NRG1: variants seen among roughly 807,000 people sequenced by gnomAD.
NRG1 encodes neuregulin 1.
NRG1 carries 18 observed loss-of-function variants against 63.8 expected under a neutral mutation model. That is an observed-to-expected ratio of 0.28 (90% CI 0.19 to 0.42). NRG1 has a LOEUF of 0.42. Among genes scored for constraint, NRG1 ranks in the 10% least tolerant of loss-of-function variants. NRG1 has a pLI of 1.00. For missense variants in NRG1, 762 were observed against 814.7 expected (o/e 0.94, Z 0.79); for synonymous variants, 302 against 301.3 (o/e 1.00, Z -0.02).
At chr8:32,235,026 C>T (rs1035491599) in intron 1 of NRG1, among the ~76,000 whole-genome samples, 1 of 151,906 alleles carries the variant, frequency 6.6e-6, no homozygotes. Context: ...CCCCGGTTAG[C>T]ACAGCACCCT....
chr8:31,952,895 A>G (rs1803703632), intron 1 of NRG1, among the ~76,000 whole-genome samples: 1 of 152,246 alleles, frequency 6.6e-6, no homozygotes, highest in Non-Finnish European at 1.5e-5. Context: ...TAACATTATT[A>G]TCACTGTCTC....
intron 1 of NRG1, among the ~76,000 whole-genome samples, chr8:31,804,224 C>T (rs985989481): frequency 2.6e-5 from 4 of 152,086 alleles, no homozygotes; most frequent in Non-Finnish European, 4.4e-5. Context: ...ACTGAAAACC[C>T]TAAAGTTCAG....
intron 1 of NRG1, among the ~76,000 whole-genome samples, chr8:32,017,224 A>G (rs1043978815): frequency 1.2e-4 from 19 of 152,250 alleles, no homozygotes; most frequent in Non-Finnish European, 2.2e-4. Context: ...AAGGACAAAT[A>G]GAAACAACAT....
intron 1 of NRG1, among the ~76,000 whole-genome samples, chr8:31,848,447 G>C (rs1245926287): frequency 6.6e-6 from 1 of 152,054 alleles, no homozygotes; most frequent in Non-Finnish European, 1.5e-5. Context: ...GTGTGAATTG[G>C]GCAATGCTGT....
At chr8:32,482,302 A>T (rs1302689686) in intron 1 of NRG1, among the ~76,000 whole-genome samples, 1 of 152,076 alleles carries the variant, frequency 6.6e-6, no homozygotes, top group Non-Finnish European at 1.5e-5. Context: ...TTGGGAGGAG[A>T]GTTATACAAT....
intron 1 of NRG1, among the ~76,000 whole-genome samples, chr8:32,166,570 TG>T (rs1839426728): frequency 6.6e-6 from 1 of 152,206 alleles, no homozygotes; most frequent in African/African-American, 2.4e-5. Flanking sequence ...ACAGCAAATT[TG>T]TGACAAGTTG....
At chr8:32,049,676 T>C (rs1821660609) in intron 1 of NRG1, among the ~76,000 whole-genome samples, 1 of 152,256 alleles carries the variant, frequency 6.6e-6, no homozygotes, top group African/African-American at 2.4e-5. Flanking sequence ...AAATTGGGTG[T>C]GTATAAAACA....
chr8:32,586,667 G>T (rs1416691656), intron 1 of NRG1, among the ~76,000 whole-genome samples: 4 of 152,124 alleles, frequency 2.6e-5, no homozygotes, highest in Non-Finnish European at 5.9e-5. Flanking sequence ...TTAAGTTTTG[G>T]TTCTGCAACT....
chr8:32,008,096 T>C (rs932256640), intron 1 of NRG1, among the ~76,000 whole-genome samples: 1 of 152,060 alleles, frequency 6.6e-6, no homozygotes, highest in Middle Eastern at 3.2e-3. Flanking sequence ...GCAGTTCTTA[T>C]AAAAAATGAG....
chr8:32,492,423 C>CTTT (rs33989637), intron 1 of NRG1, among the ~76,000 whole-genome samples: 2,039 of 146,784 alleles, frequency 0.014, 36 homozygotes, highest in African/African-American at 0.042. Context: ...TCCCTTTCAT[C>CTTT]TTTTTTTTTT....
intron 1 of NRG1, among the ~76,000 whole-genome samples, chr8:32,588,504 G>A (rs1842012598): frequency 6.6e-6 from 1 of 152,214 alleles, no homozygotes; most frequent in Admixed American, 6.5e-5. Flanking sequence ...AGCCAACTCT[G>A]GCTGTAGTGG....
At chr8:31,976,681 GTGTGTGTGTGTGTGTGTA>G (rs1385407634) in intron 1 of NRG1, among the ~76,000 whole-genome samples, 1 of 6,012 alleles carries the variant, frequency 1.7e-4, no homozygotes, top group Non-Finnish European at 4.3e-4. Flanking sequence ...GTGTGTGTGT[GTGTGTGTGTGTGTGTGTA>G]TGTGTGTGTG....
chr8:32,704,127 T>C (rs1181113285), intron 5 of NRG1, among the ~76,000 whole-genome samples: 1 of 152,226 alleles, frequency 6.6e-6, no homozygotes, highest in Non-Finnish European at 1.5e-5. Context: ...CAAGGAATGA[T>C]ATATGCAAGG....
intron 2 of NRG1, among the ~76,000 whole-genome samples, chr8:32,601,021 T>C (rs1256702641): frequency 1.3e-5 from 2 of 152,258 alleles, no homozygotes; most frequent in Non-Finnish European, 2.9e-5. Context: ...CTTTTTGCAA[T>C]ATATAATTTT....
At chr8:32,041,753 C>T (rs2130682166) in intron 1 of NRG1, among the ~76,000 whole-genome samples, 1 of 152,224 alleles carries the variant, frequency 6.6e-6, no homozygotes, top group Middle Eastern at 3.4e-3. Flanking sequence ...AAGGAATAGA[C>T]CTACCATTTT....
At chr8:32,115,009 C>T (rs990034484) in intron 1 of NRG1, among the ~76,000 whole-genome samples, 2 of 152,064 alleles carry the variant, frequency 1.3e-5, no homozygotes, top group South Asian at 4.2e-4. Context: ...GTGACAACCA[C>T]CCTTACAGTC....
At chr8:32,617,172 GA>G (rs1200289471) in intron 5 of NRG1, among the ~76,000 whole-genome samples, 3 of 152,084 alleles carry the variant, frequency 2.0e-5, no homozygotes, top group African/African-American at 7.2e-5. Flanking sequence ...CACAAGTTCT[GA>G]GGCCTAATTC....
At chr8:32,663,923 C>G (rs2128879482) in intron 5 of NRG1, among the ~76,000 whole-genome samples, 1 of 152,258 alleles carries the variant, frequency 6.6e-6, no homozygotes, top group East Asian at 1.9e-4. Context: ...GAGACATTTC[C>G]TATACTCTGT....
At chr8:32,304,239 G>A (rs1311404673) in intron 1 of NRG1, among the ~76,000 whole-genome samples, 2 of 152,168 alleles carry the variant, frequency 1.3e-5, no homozygotes, top group Non-Finnish European at 2.9e-5. Context: ...ACCAGTGAAT[G>A]GAACAGCAAA....
Sources: gnomAD v4.1 joint callset for allele counts (sites outside exome capture counted in the v4.1 genomes callset) on GRCh38, gnomAD v4.1.1 for gene constraint, MANE v1.5 for transcripts, NCBI Gene and HGNC (gene_info 2026-07-23, HGNC 2026-07-21) for gene names.